Variants in DPP10 observed in about 807,000 individuals in gnomAD.
DPP10 encodes inactive dipeptidyl peptidase 10.
A neutral mutation model predicts 120.9 loss-of-function variants in DPP10; 33 were observed. That is an observed-to-expected ratio of 0.27 (90% confidence interval 0.21 to 0.37). The LOEUF is 0.37. Among genes scored for constraint, DPP10 ranks in the 10% least tolerant of loss-of-function variants. The pLI, the probability that DPP10 is intolerant of heterozygous loss-of-function variation, is 1.00. For missense variants in DPP10, 816 were observed against 942.8 expected, an observed-to-expected ratio of 0.87 and a Z score of 1.76; for synonymous variants, 337 against 326.1, an observed-to-expected ratio of 1.03 and a Z score of -0.36.
At chr2:114,839,813 GAA>G (rs751650572) in intron 1 of DPP10, among the ~76,000 whole-genome samples, 7 of 151,978 alleles carry the variant, frequency 4.6e-5, no homozygotes, top group African/African-American at 1.5e-4. Context: ...ATATTTCAAA[GAA>G]AAAATGTAAA....
rs568054792 is a variant in DPP10, at chr2:115,603,303, T to G, written c.441+77331T>G. ...GTGACAAGGATCTGTGAATTGTGAC[T>G]TGGAACAGGTGGGCGCACACCCACC... On this transcript the variant is annotated intron_variant, in intron 5 of 25. Transcript: ENST00000410059. Among the ~76,000 whole-genome samples, 97 of 151,838 alleles carry G rather than the reference T, an allele frequency of 6.4e-4. 1 individual carries two copies. Among genetic ancestry groups the G allele is most frequent in the Non-Finnish European group, 1.1e-3 (73 of 67,940 alleles).
intron 5 of DPP10, among the ~76,000 whole-genome samples, chr2:115,559,519 G>C (rs751760814): frequency 6.6e-6 from 1 of 152,008 alleles, no homozygotes; most frequent in Non-Finnish European, 1.5e-5. Flanking sequence ...TTACAAACTT[G>C]AATGAGAGAC....
At chr2:114,615,865 C>T (rs2105307399) in intron 1 of DPP10, among the ~76,000 whole-genome samples, 1 of 152,182 alleles carries the variant, frequency 6.6e-6, no homozygotes, top group Non-Finnish European at 1.5e-5. Flanking sequence ...AACAATTGTG[C>T]TGAGTGCTAA....
intron 5 of DPP10, among the ~76,000 whole-genome samples, chr2:115,569,942 A>ATAAAT (rs10644866): frequency 0.99 from 150,415 of 152,270 alleles, 74,318 homozygotes; most frequent in Non-Finnish European, 1. Flanking sequence ...TTAAAATTAG[A>ATAAAT]TAAAAATAAT....
intron 1 of DPP10, among the ~76,000 whole-genome samples, chr2:115,151,819 G>C (rs991376167): frequency 2.7e-5 from 4 of 146,310 alleles, no homozygotes; most frequent in Non-Finnish European, 6.0e-5. Flanking sequence ...ACATTTTCTT[G>C]AAACCTCTTT....
intron 1 of DPP10, among the ~76,000 whole-genome samples, chr2:114,491,835 A>C (rs930528678): frequency 7.9e-5 from 12 of 152,232 alleles, no homozygotes; most frequent in African/African-American, 2.9e-4. Context: ...CAAGGTATTC[A>C]TAATTCGAAA....
intron 7 of DPP10, among the ~76,000 whole-genome samples, chr2:115,724,245 T>C (rs2149623596): frequency 6.6e-6 from 1 of 152,344 alleles, no homozygotes; most frequent in Admixed American, 6.5e-5. Flanking sequence ...ACAAGTTGTA[T>C]GTCAGTGTGG....
chr2:114,897,217 C>G (rs542785328), intron 1 of DPP10, among the ~76,000 whole-genome samples: 2 of 152,242 alleles, frequency 1.3e-5, no homozygotes, highest in East Asian at 3.9e-4. Context: ...TGTGTCTCTG[C>G]CCAGCTTTGG....
chr2:115,130,187 G>A (rs796540124), intron 1 of DPP10, among the ~76,000 whole-genome samples: 8 of 152,206 alleles, frequency 5.3e-5, no homozygotes, highest in African/African-American at 1.9e-4. Flanking sequence ...TATTCCACTT[G>A]CCAGGCATTT....
intron 1 of DPP10, among the ~76,000 whole-genome samples, chr2:115,011,290 A>G (rs1402309547): frequency 6.6e-6 from 1 of 152,174 alleles, no homozygotes; most frequent in African/African-American, 2.4e-5. Context: ...GTCAATTAGG[A>G]CAAGTGGATT....
At chr2:115,298,436 G>A (rs1034500532) in intron 1 of DPP10, among the ~76,000 whole-genome samples, 2 of 151,984 alleles carry the variant, frequency 1.3e-5, no homozygotes, top group Non-Finnish European at 2.9e-5. Flanking sequence ...GTTCATTTTA[G>A]CAGTTTCAGA....
intron 3 of DPP10, among the ~76,000 whole-genome samples, chr2:115,415,232 C>A (rs146001331): frequency 1.5e-4 from 23 of 152,120 alleles, no homozygotes; most frequent in Non-Finnish European, 1.9e-4. Context: ...ACCCGTTTAT[C>A]TGGCTGCGCT....
intron 1 of DPP10, among the ~76,000 whole-genome samples, chr2:115,180,464 C>G (rs1450948619): frequency 6.6e-6 from 1 of 151,966 alleles, no homozygotes; most frequent in Admixed American, 6.6e-5. Flanking sequence ...TGTTATAATC[C>G]AGGATCTTTA....
At chr2:115,819,578 G>C (rs1687602040) in intron 21 of DPP10, among the ~76,000 whole-genome samples, 1 of 151,566 alleles carries the variant, frequency 6.6e-6, no homozygotes, top group Non-Finnish European at 1.5e-5. Flanking sequence ...ATTTATCTTT[G>C]ATTTTACTTT....
intron 3 of DPP10, among the ~76,000 whole-genome samples, chr2:115,371,417 TACGTGA>T (rs1196860713): frequency 6.6e-6 from 1 of 152,176 alleles, no homozygotes; most frequent in Non-Finnish European, 1.5e-5. Flanking sequence ...TTCAATAAAA[TACGTGA>T]ACTTGAGCTC....
At chr2:114,766,941 G>A (rs1680759040) in intron 1 of DPP10, among the ~76,000 whole-genome samples, 2 of 151,562 alleles carry the variant, frequency 1.3e-5, no homozygotes, top group South Asian at 4.2e-4. Flanking sequence ...GAGAGAGAGA[G>A]AGAAATGGAC....
intron 1 of DPP10, among the ~76,000 whole-genome samples, chr2:115,148,569 C>T (rs539783248): frequency 6.6e-6 from 1 of 152,262 alleles, no homozygotes; most frequent in Admixed American, 6.5e-5. Context: ...TTTATCATCA[C>T]TTTAAAAAAT....
At chr2:115,678,070 G>A (rs2090398935) in intron 5 of DPP10, among the ~76,000 whole-genome samples, 1 of 152,164 alleles carries the variant, frequency 6.6e-6, no homozygotes, top group South Asian at 2.1e-4. Context: ...CAAGTAAGAG[G>A]AAGCAGAGCA....
At position 115,712,566 on chromosome 2, in the gene DPP10, A is replaced by ATATATATATATATATATATATATAT. The variant is rs70941090; in HGVS notation, c.577-15250_577-15249insTATATATATATATATATATATATAT. The stretch of plus-strand genomic sequence containing the variant: ...TAAATATATATATATATATATATAT[A>ATATATATATATATATATATATATAT]AAGAAACTGTCTTAATTTTATTTAA... On this transcript the variant is annotated intron_variant, in intron 7 of 25. Transcript: ENST00000410059. Among the ~76,000 whole-genome samples, 437 of 121,388 alleles carry ATATATATATATATATATATATATAT rather than the reference A, an allele frequency of 3.6e-3. 2 individuals are homozygous for ATATATATATATATATATATATATAT. Among genetic ancestry groups the ATATATATATATATATATATATATAT allele is most frequent in the Non-Finnish European group, 5.5e-3 (313 of 56,786 alleles). 79.6% of individuals were successfully genotyped at this position (121,388 alleles called of 152,430 possible). A position where few individuals can be genotyped will look rare whatever the true frequency, so the allele number is the denominator to read the frequency against.
Sources: allele counts gnomAD v4.1 joint callset (sites outside exome capture counted in the v4.1 genomes callset), GRCh38; gene constraint gnomAD v4.1.1; transcripts MANE v1.5; gene names NCBI Gene and HGNC (gene_info 2026-07-23, HGNC 2026-07-21).